Variants in ERN1 observed in about 807,000 individuals in gnomAD.
The protein encoded by ERN1 is serine/threonine-protein kinase/endoribonuclease IRE1.
A neutral mutation model predicts 113.1 loss-of-function variants in ERN1; 39 were observed. The observed-to-expected ratio is 0.34, with a 90% CI of 0.27 to 0.45. The LOEUF is 0.45. ERN1 is among the 20% of genes least tolerant of loss of function. ERN1 has a pLI of 1.00. For missense variants in ERN1, 976 were observed against 1,274.8 expected, an observed-to-expected ratio of 0.77 and a Z score of 3.57; for synonymous variants, 507 against 515.9, an observed-to-expected ratio of 0.98 and a Z score of 0.23.
chr17:64,120,049 G>A (rs1235150404), intron 1 of ERN1, among the ~76,000 whole-genome samples: 1 of 152,128 alleles, frequency 6.6e-6, no homozygotes, highest in Non-Finnish European at 1.5e-5. Context: ...AAGCCACTGA[G>A]CCTGGCCTTA....
intron 19 of ERN1, among the ~76,000 whole-genome samples, chr17:64,046,344 G>A (rs1271084788): frequency 6.6e-6 from 1 of 152,216 alleles, no homozygotes; most frequent in Non-Finnish European, 1.5e-5. Context: ...GACCTGAGTG[G>A]AAGCCAGGTG....
rs960448208 is a variant in ERN1 at position 64,054,638 on chromosome 17, G to C, written c.1763+100C>G. The C allele has an allele frequency of 1.5e-5, 16 of 1,069,840 alleles. No homozygotes were observed. The African/African-American group carries it at 2.2e-4, about 15-fold the overall frequency. 66.3% of individuals were successfully genotyped at this position (1,069,840 alleles called of 1,614,324 possible). On this transcript the variant is annotated intron_variant, in intron 14 of 21. Coordinates refer to ENST00000433197, the MANE Select transcript of ERN1 (RefSeq NM_001433.5). This position sits in a 1 kb window ranked among gnomAD's most constrained non-coding sequence, Gnocchi z 4.9. ...CCGGACTCCATGCGTCTAGGTCACT[G>C]CTTTGACCCTGCTGTGCTCTGAGCC...
At chr17:64,096,176 G>C (rs1279138846) in intron 2 of ERN1, among the ~76,000 whole-genome samples, 1 of 152,222 alleles carries the variant, frequency 6.6e-6, no homozygotes, top group Non-Finnish European at 1.5e-5. Flanking sequence ...ACAGCAAGAG[G>C]TGAGCAGTGA....
chr17:64,099,692 A>T (rs2143456853), intron 1 of ERN1, among the ~76,000 whole-genome samples: 1 of 152,216 alleles, frequency 6.6e-6, no homozygotes, highest in South Asian at 2.1e-4. Context: ...TCTCGGTAAG[A>T]GCCAGGATGC....
Position 64,043,881 on chromosome 17 carries a change from T to C in ERN1, c.*107A>G. On this transcript the variant is annotated 3_prime_UTR_variant, in exon 22 of 22. Coordinates refer to ENST00000433197, the MANE Select transcript of ERN1 (RefSeq NM_001433.5). ...GAGCAGGCAGCTCAAGGCACTTGGT[T>C]TGGGAAGCCTGGTCTCCCTGCAAAG... The C allele has an allele frequency of 1.3e-6, 1 of 774,370 alleles. No homozygotes were observed. Among genetic ancestry groups the C allele is most frequent in the Non-Finnish European group, 2.1e-6 (1 of 474,586 alleles). The allele number at this position is 774,370 out of a possible 1,614,324, so 48.0% of individuals were successfully genotyped here. A position where few individuals can be genotyped will look rare whatever the true frequency, so the allele number is the denominator to read the frequency against.
Position 64,053,216 on chromosome 17 carries a change from T to C in ERN1, c.2053+56A>G, listed in dbSNP as rs577472148. 119 of 1,447,096 alleles carry C rather than the reference T, an allele frequency of 8.2e-5. No homozygotes were observed. In the African/African-American group the frequency reaches 1.4e-3, roughly 17 times the overall value. 89.6% of individuals were successfully genotyped at this position (1,447,096 alleles called of 1,614,324 possible). A position where few individuals can be genotyped will look rare whatever the true frequency, so the allele number is the denominator to read the frequency against. Reference sequence around the variant, plus strand: ...ACCCGAGCTACTGGTTAGCCCCACCTGGGCCACTGATTCTCCCCACCCGGG... The same window carrying C: ...ACCCGAGCTACTGGTTAGCCCCACCCGGGCCACTGATTCTCCCCACCCGGG... On this transcript the variant is annotated intron_variant, in intron 16 of 21. Transcript: ENST00000433197.
intron 2 of ERN1, 147 bp from the exon 3 acceptor site, chr17:64,080,955 T>A (rs1459827499): frequency 3.0e-6 from 2 of 677,036 alleles, no homozygotes; most frequent in Non-Finnish European, 5.2e-6. Context: ...GAAGGTTATA[T>A]GCATTTTTGT....
intron 1 of ERN1, among the ~76,000 whole-genome samples, chr17:64,121,047 G>A (rs1914941606): frequency 6.6e-6 from 1 of 152,108 alleles, no homozygotes; most frequent in Admixed American, 6.5e-5. Context: ...AACCAGCAAG[G>A]GAAGTGAGAC....
intron 1 of ERN1, among the ~76,000 whole-genome samples, chr17:64,115,310 T>C (rs916680090): frequency 5.9e-5 from 9 of 152,308 alleles, no homozygotes; most frequent in African/African-American, 1.9e-4. Context: ...TGTGTGCTAG[T>C]TCACTTACTC....
chr17:64,079,679 T>G lies in ERN1; in HGVS notation c.265A>C (p.Asn89His). ...ATACTCACCGTCAGGCCTTCATTAT[T>G]CTTGCTTCCAAGCGTATACAGGCTG... Reference protein sequence around the residue: ...DGSLYTLGSKNNEGLTKLPFT... With the variant: ...DGSLYTLGSKHNEGLTKLPFT... The change falls in exon 4 of 22, where the codon AAT becomes CAT. Residue 89 changes from asparagine to histidine, a missense_variant. Asn to His is a moderately conservative substitution (Grantham distance 68). Around this residue, in one of 5 missense-constraint regions of ERN1, gnomAD observed 459 missense variants for 581.2 expected, o/e 0.79. Transcript: ENST00000433197. 6.2e-7 allele frequency: 1 copy of G among 1,613,894 alleles called. No individual in the cohort carries two copies. The highest frequency in any genetic ancestry group is 8.5e-7 in the Non-Finnish European group (1 of 1,179,778).
intron 4 of ERN1, 22 bp from the exon 5 acceptor site, chr17:64,075,269 A>AG: frequency 1.2e-5 from 12 of 1,018,694 alleles, no homozygotes; most frequent in Non-Finnish European, 1.6e-5. Flanking sequence ...AAAAAAAAGA[A>AG]AAAAAAAAGT....
At chr17:64,129,916 C>T in intron 1 of ERN1, 60 bp downstream of exon 1, 1 of 1,338,254 alleles carries the variant, frequency 7.5e-7, no homozygotes, top group Non-Finnish European at 9.6e-7. Flanking sequence ...CGCGACGCTG[C>T]CCCGGCCCCG....
Position 64,066,767 on chromosome 17 carries a change from G to A in ERN1, c.746C>T (p.Thr249Ile). 6.2e-7 allele frequency: 1 copy of A among 1,613,850 alleles called. No individual in the cohort carries two copies. Among genetic ancestry groups the A allele is most frequent in the Non-Finnish European group, 8.5e-7 (1 of 1,179,846 alleles). ...KVMHINVAVE[T>I]LRYLTFMSGE... ...AGACATGAAGGTCAGATAGCGCAGG[G>A]TCTCCACAGCGACATTGATGTGCAT... The change falls in exon 8 of 22, where the codon ACC becomes ATC. Residue 249 changes from threonine to isoleucine, a missense_variant. This residue lies in a region of ERN1 where 459 missense variants were observed against 581.2 expected (regional missense o/e 0.79). Transcript: ENST00000433197.
At position 64,044,106 on chromosome 17, in the gene ERN1, TG is replaced by T. The variant is rs773393516; in HGVS notation, c.2815del (p.His939ThrfsTer34). 6.2e-7 allele frequency: 1 copy of T among 1,609,332 alleles called. No homozygotes were observed. The highest frequency in any genetic ancestry group is 1.7e-5 in the Admixed American group (1 of 59,586). On this transcript the variant is annotated frameshift_variant, in exon 22 of 22. Transcript: ENST00000433197. LOFTEE classifies it high-confidence loss of function. This position sits in a 1 kb window ranked among gnomAD's most constrained non-coding sequence, Gnocchi z 4.1. ...FVCYFTSRFP[H>X]LLAHTYRAME... ...GGCCCGGTAGGTGTGTGCGAGGAGG[TG>T]GGGGAAGCGAGATGTGAAGTAGCAC...
chr17:64,061,835 G>A (rs767599776), intron 10 of ERN1, among the ~76,000 whole-genome samples: 3 of 152,206 alleles, frequency 2.0e-5, no homozygotes, highest in Non-Finnish European at 1.5e-5. Context: ...CACATGCCAC[G>A]CTGTGCAGCA....
chr17:64,120,784 G>A (rs1408006570), intron 1 of ERN1, among the ~76,000 whole-genome samples: 2 of 152,094 alleles, frequency 1.3e-5, no homozygotes, highest in Non-Finnish European at 2.9e-5. Flanking sequence ...CTCTAGTTCT[G>A]TAGAAAGACA....
At chr17:64,069,720 G>A (rs867490073) in intron 6 of ERN1, among the ~76,000 whole-genome samples, 1 of 152,172 alleles carries the variant, frequency 6.6e-6, no homozygotes, top group Non-Finnish European at 1.5e-5. Context: ...CATGTTGGGT[G>A]GGGGATGGGA....
chr17:64,121,592 C>T (rs543731882), intron 1 of ERN1, among the ~76,000 whole-genome samples: 4 of 152,252 alleles, frequency 2.6e-5, no homozygotes, highest in Admixed American at 1.3e-4. Context: ...CAGGTTCAAG[C>T]GATTCTTCTG....
chr17:64,126,476 A>C, intron 1 of ERN1, among the ~76,000 whole-genome samples: 1 of 152,284 alleles, frequency 6.6e-6, no homozygotes, highest in African/African-American at 2.4e-5. Context: ...AGACATGAAG[A>C]AACTTTAATG....
Sources: allele counts gnomAD v4.1 joint callset (sites outside exome capture counted in the v4.1 genomes callset), GRCh38; gene constraint gnomAD v4.1.1; regional missense constraint gnomAD v4.1.1; non-coding constraint Gnocchi (gnomAD v3.1); transcripts MANE v1.5; gene names NCBI Gene and HGNC (gene_info 2026-07-23, HGNC 2026-07-21).